MTFR1: variants seen among roughly 807,000 people sequenced by gnomAD.
MTFR1 encodes chondrocyte protein with a poly-proline region.
In MTFR1, 28 loss-of-function variants were observed where a neutral mutation model predicts 38.8. The ratio of observed to expected loss-of-function variants is 0.72; its 90% CI spans 0.53 to 0.99. MTFR1 has a LOEUF of 0.99. MTFR1 is among the 50% of genes least tolerant of loss of function. The pLI, the probability that MTFR1 is intolerant of heterozygous loss-of-function variation, is 0.00. For missense variants in MTFR1, 358 were observed against 395.5 expected, an observed-to-expected ratio of 0.91 and a Z score of 0.81; for synonymous variants, 145 against 137.0, an observed-to-expected ratio of 1.06 and a Z score of -0.41.
At chr8:65,706,944 T>C in intron 5 of MTFR1, 66 bp from the exon 6 acceptor site, 1 of 1,508,686 alleles carries the variant, frequency 6.6e-7, no homozygotes, top group Non-Finnish European at 8.9e-7. Flanking sequence ...CATTTTGCTT[T>C]TAAAAACTGA....
intron 3 of MTFR1, among the ~76,000 whole-genome samples, chr8:65,756,772 C>CT (rs201045363): frequency 0.021 from 3,146 of 151,094 alleles, 33 homozygotes; most frequent in Admixed American, 0.023. Flanking sequence ...ATATCAAATT[C>CT]TTTTTTTTTC....
intron 3 of MTFR1, among the ~76,000 whole-genome samples, chr8:65,729,363 GCTTT>G (rs1806742421): frequency 1.2e-5 from 1 of 85,832 alleles, no homozygotes; most frequent in African/African-American, 4.6e-5. Flanking sequence ...GTTGGTGGTA[GCTTT>G]TTTTTTTTTT....
chr8:65,720,843 G>GT (rs2129063760), intron 3 of MTFR1, among the ~76,000 whole-genome samples: 1 of 152,274 alleles, frequency 6.6e-6, no homozygotes, highest in Admixed American at 6.5e-5. Context: ...GTGTTATGTT[G>GT]AGCCAGCCAC....
chr8:65,670,085 A>G, intron 2 of MTFR1, 67 bp downstream of exon 2: 1 of 1,369,482 alleles, frequency 7.3e-7, no homozygotes, highest in Admixed American at 2.3e-5. Flanking sequence ...TTCTGAGAAA[A>G]TGAAATAAAT....
intron 3 of MTFR1, among the ~76,000 whole-genome samples, chr8:65,741,333 TAA>T (rs2128902670): frequency 6.6e-6 from 1 of 152,244 alleles, no homozygotes; most frequent in South Asian, 2.1e-4. Context: ...CAAAAATGTA[TAA>T]AAGACATACT....
chr8:65,761,082 C>T (rs574560027), intron 3 of MTFR1, among the ~76,000 whole-genome samples: 1 of 149,796 alleles, frequency 6.7e-6, no homozygotes, highest in South Asian at 2.1e-4. Flanking sequence ...TTTTTTTAGA[C>T]GGAGTCTCGC....
chr8:65,737,666 A>C (rs766602380), intron 3 of MTFR1, among the ~76,000 whole-genome samples: 7 of 151,942 alleles, frequency 4.6e-5, no homozygotes, highest in Non-Finnish European at 1.0e-4. Context: ...TTACAGGCAC[A>C]TGCCTCCACA....
At chr8:65,686,464 C>A (rs868606666) in intron 3 of MTFR1, among the ~76,000 whole-genome samples, 1 of 150,438 alleles carries the variant, frequency 6.6e-6, no homozygotes, top group Non-Finnish European at 1.5e-5. Context: ...CCCAGCTACT[C>A]AGGAAGCTGA....
chr8:65,712,742 C>CTTG (rs1805987049), downstream of MTFR1, among the ~76,000 whole-genome samples: 2 of 152,196 alleles, frequency 1.3e-5, no homozygotes, highest in Non-Finnish European at 2.9e-5. Flanking sequence ...GATTTCTAGC[C>CTTG]TCAAGAACTG....
intron 3 of MTFR1, among the ~76,000 whole-genome samples, chr8:65,733,498 G>C (rs1806992157): frequency 6.6e-6 from 1 of 152,026 alleles, no homozygotes; most frequent in Non-Finnish European, 1.5e-5. Flanking sequence ...GTGAGACCCT[G>C]TCTCTACAAA....
chr8:65,711,500 C>T (rs1174610436), downstream of MTFR1, among the ~76,000 whole-genome samples: 3 of 152,144 alleles, frequency 2.0e-5, no homozygotes, highest in Non-Finnish European at 4.4e-5. Flanking sequence ...CTGGGATTGC[C>T]AGATAGATAG....
intron 3 of MTFR1, among the ~76,000 whole-genome samples, chr8:65,685,561 C>T (rs1585776934): frequency 6.6e-6 from 1 of 152,082 alleles, no homozygotes; most frequent in East Asian, 1.9e-4. Context: ...GAATGAGATT[C>T]CAATTAAAGC....
chr8:65,759,470 G>A (rs1458293335), intron 3 of MTFR1, among the ~76,000 whole-genome samples: 1 of 152,118 alleles, frequency 6.6e-6, no homozygotes, highest in Non-Finnish European at 1.5e-5. Context: ...ATCCCCACAG[G>A]CCACAGGGCT....
In MTFR1 at chr8:65,707,937, C is replaced by T. The variant is rs745512855; in HGVS notation, c.859C>T (p.Arg287Ter). The T allele has an allele frequency of 7.4e-6, 12 of 1,613,962 alleles. No homozygotes were observed. The South Asian group carries it at 8.8e-5, about 12-fold the overall frequency. The change falls in exon 7 of 8, where the codon CGA (arginine) becomes TGA (stop). Residue 287 changes from arginine (R) to a stop codon, truncating the protein, a stop_gained. Transcript: ENST00000262146. LOFTEE classifies it high-confidence loss of function. The part of the protein sequence containing the change: ...ALKKKFAYRY[R>*]SDSQDEVEKG... ...GAAAAAGAAATTTGCTTATCGGTAT[C>T]GAAGTGATAGCCAAGATGAAGTTGA...
chr8:65,708,428 A>G, intron 7 of MTFR1: 1 of 299,608 alleles, frequency 3.3e-6, no homozygotes, highest in Non-Finnish European at 6.4e-6. Context: ...GTACAGTGAG[A>G]TCATTTTCTC....
intron 1 of MTFR1, among the ~76,000 whole-genome samples, chr8:65,650,954 G>C (rs1427637114): frequency 1.3e-5 from 2 of 152,070 alleles, no homozygotes; most frequent in South Asian, 4.2e-4. Context: ...CCACATCCTT[G>C]CCAGCATTCA....
chr8:65,711,737 A>ATAACT (rs1563461357), downstream of MTFR1, among the ~76,000 whole-genome samples: 2 of 152,204 alleles, frequency 1.3e-5, no homozygotes, highest in African/African-American at 4.8e-5. Context: ...GTAAGGATCT[A>ATAACT]TAACTTTTGC....
intron 1 of MTFR1, among the ~76,000 whole-genome samples, chr8:65,646,282 C>A (rs1808963447): frequency 6.6e-6 from 1 of 152,080 alleles, no homozygotes; most frequent in Admixed American, 6.6e-5. Flanking sequence ...TACCTGAAGT[C>A]ACACTGCTGA....
chr8:65,720,374 T>C (rs993638302), intron 3 of MTFR1: 6 of 154,178 alleles, frequency 3.9e-5, no homozygotes, highest in Non-Finnish European at 8.8e-5. Flanking sequence ...TCTGATTCTA[T>C]CACGCTTTAA....
Sources: allele counts gnomAD v4.1 joint callset (sites outside exome capture counted in the v4.1 genomes callset), GRCh38; gene constraint gnomAD v4.1.1; transcripts MANE v1.5; gene names NCBI Gene and HGNC (gene_info 2026-07-23, HGNC 2026-07-21).